Variants in MST1 observed in about 807,000 individuals in gnomAD.
The protein encoded by MST1 is hepatocyte growth factor-like protein.
MST1 carries 76 observed loss-of-function variants against 100.1 expected under a neutral mutation model. The ratio of observed to expected loss-of-function variants is 0.76; its 90% confidence interval spans 0.63 to 0.92. The LOEUF (loss-of-function observed/expected upper bound fraction) is 0.92, where lower values mean the gene tolerates loss of function less well. Ranked by LOEUF, MST1 falls within the 40% of genes least tolerant of loss-of-function variation. The pLI is 0.00. For missense variants in MST1, 850 were observed against 990.0 expected, an observed-to-expected ratio of 0.86 and a Z score of 1.90; for synonymous variants, 352 against 385.4, an observed-to-expected ratio of 0.91 and a Z score of 1.01.
intron 13 of MST1, 52 bp from the exon 14 acceptor site, chr3:49,685,141 G>C (rs1437872179): frequency 6.3e-6 from 10 of 1,597,966 alleles, no homozygotes; most frequent in Non-Finnish European, 8.5e-6. Flanking sequence ...ACAGATGCTA[G>C]ACCTGCCATC....
chr3:49,685,274 C>G lies in MST1; in HGVS notation c.1532G>C (p.Ser511Thr). The G allele has an allele frequency of 6.2e-7, 1 of 1,613,384 alleles. No individual in the cohort carries two copies. Among genetic ancestry groups the G allele is most frequent in the Non-Finnish European group, 8.5e-7 (1 of 1,179,848 alleles). ...AGTTGTGCCTCACCGATTCCGCAAG[C>G]TGACTGTCCAGGGTGAGTTGCCCGG... Reference protein sequence around the residue: ...GHPGNSPWTVSLRNRQGQHFC... With the variant: ...GHPGNSPWTVTLRNRQGQHFC... The change falls in exon 13 of 18, where the codon AGC becomes ACC. Residue 511 changes from serine to threonine, a missense_variant. Ser to Thr is a moderately conservative substitution (Grantham distance 58, BLOSUM62 1). This residue lies in a region of MST1 where 816 missense variants were observed against 924.6 expected (regional missense o/e 0.88). Transcript: ENST00000449682.
intron 14 of MST1, 53 bp from the exon 15 acceptor site, chr3:49,684,937 G>A: frequency 1.2e-6 from 2 of 1,613,576 alleles, no homozygotes; most frequent in African/African-American, 1.3e-5. Flanking sequence ...ATTGCCCCAA[G>A]GCTCACTTGT....
In MST1 at chr3:49,688,670, C is replaced by T. The variant is rs1281501452; in HGVS notation, c.22G>A (p.Val8Met). The T allele has an allele frequency of 1.9e-6, 3 of 1,609,456 alleles. No individual in the cohort carries two copies. The highest frequency in any genetic ancestry group is 3.4e-5 in the Admixed American group (2 of 59,570). MGLWWVT[V>M]QPPARRMGWL... The stretch of plus-strand genomic sequence containing the variant: ...CCCATCCTTCTGGCTGGAGGCTGCA[C>T]TGTGACCCACCACAGCCCCATCCGG... Residue 8 changes from valine (V) to methionine (M), a missense_variant, in exon 1 of 18, where the codon GTG becomes ATG. Val to Met is a conservative substitution (Grantham distance 21). Transcript: ENST00000449682.
rs758200140 is a variant in MST1, at chr3:49,684,565, A to T, written c.1861T>A (p.Trp621Arg). Residue 621 changes from tryptophan to arginine, a missense_variant, in exon 16 of 18, where the codon TGG (tryptophan) becomes AGG (arginine). This residue lies in a region of MST1 where 816 missense variants were observed against 924.6 expected (regional missense o/e 0.88). Transcript: ENST00000449682. ...GTGCTCTTACCTTTGGTCTCACCCC[A>T]GCCTGCAATCTCACACTTGGTCCCT... ...PPGTKCEIAGWGETKGTGNDT... is the reference protein window; with the variant it reads ...PPGTKCEIAGRGETKGTGNDT... 5.6e-6 allele frequency: 9 copies of T among 1,613,682 alleles called. No homozygotes were observed. The highest frequency in any genetic ancestry group is 7.6e-6 in the Non-Finnish European group (9 of 1,179,878).
At chr3:49,686,001 C>G (rs776741263) in intron 9 of MST1, 39 bp from the exon 10 acceptor site, 2 of 1,603,046 alleles carry the variant, frequency 1.2e-6, no homozygotes, top group Non-Finnish European at 1.7e-6. Flanking sequence ...CGAGACCTCG[C>G]CCCGGCCCTC....
In MST1 at chr3:49,687,173, A is replaced by C; in HGVS notation, c.583T>G (p.Cys195Gly). Residue 195 changes from cysteine (C) to glycine (G), a missense_variant, in exon 5 of 18, where the codon TGC (cysteine) becomes GGC (glycine). Transcript: ENST00000449682. ...CCCTCCCGGCAGGATTTGATGCCGC[A>C]GCTCTGGAAGCGCACAGCAGGGTCT... ...TTDPAVRFQS[C>G]GIKSCREAAC... The C allele has an allele frequency of 6.2e-7, 1 of 1,613,236 alleles. No homozygotes were observed. Among genetic ancestry groups the C allele is most frequent in the Non-Finnish European group, 8.5e-7 (1 of 1,179,862 alleles).
rs1417872728 is a variant in MST1, at chr3:49,686,127, C to T, written c.1082G>A (p.Arg361Gln). ...GCAAAAGGCCGCGCGCATGCCGGGC[C>T]GCAGTGTGAAGCACCAGGGCGCCTC... is the stretch of plus-strand genomic sequence containing the variant. Reference protein sequence around the residue: ...GSEAPWCFTLRPGMRAAFCYQ... With the variant: ...GSEAPWCFTLQPGMRAAFCYQ... Residue 361 changes from arginine (R) to glutamine (Q), a missense_variant, in exon 9 of 18, where the codon CGG becomes CAG. Transcript: ENST00000449682. 1 of 1,611,190 alleles carries T rather than the reference C, an allele frequency of 6.2e-7. No individual in the cohort carries two copies. Among genetic ancestry groups the T allele is most frequent in the Non-Finnish European group, 8.5e-7 (1 of 1,179,544 alleles).
Position 49,685,856 on chromosome 3 carries a change from T to C in MST1, c.1250+4A>G. 6.2e-7 allele frequency: 1 copy of C among 1,611,536 alleles called. No individual in the cohort carries two copies. The highest frequency in any genetic ancestry group is 8.5e-7 in the Non-Finnish European group (1 of 1,179,560). On this transcript the variant is annotated splice_donor_region_variant and intron_variant, in intron 10 of 17. Coordinates refer to ENST00000449682, the MANE Select transcript of MST1 (RefSeq NM_020998.4). ...TGGCGGGGCCGGGAGCACCAGGGAC[T>C]CACTGCGGCTTGTGCGGCGTCTCAG...
In MST1 at chr3:49,684,637, G is replaced by A. The variant is rs750408728; in HGVS notation, c.1789C>T (p.Arg597Cys). The change falls in exon 16 of 18, where the codon CGT becomes TGT. Residue 597 changes from arginine to cysteine, a missense_variant. Arg to Cys is a radical substitution (Grantham distance 180). Coordinates refer to ENST00000449682, the MANE Select transcript of MST1 (RefSeq NM_020998.4). ...GGGGGCAGGCAGATCAGGGCCACACGCTGGTTCAGGGTCACAGATCTTTAG... is the reference window on the plus strand; with the variant it reads ...GGGGGCAGGCAGATCAGGGCCACACACTGGTTCAGGGTCACAGATCTTTAG... ...KLERSVTLNQ[R>C]VALICLPPEW... 5 of 1,613,696 alleles carry A rather than the reference G, an allele frequency of 3.1e-6. No homozygotes were observed. The highest frequency in any genetic ancestry group is 2.7e-5 in the African/African-American group (2 of 75,046).
chr3:49,685,316 C>T lies in MST1; in HGVS notation c.1490G>A (p.Arg497His), dbSNP rs199553610. The T allele has an allele frequency of 2.4e-5, 39 of 1,613,292 alleles. 1 individual carries two copies. The Middle Eastern group carries it at 1.5e-3, about 61-fold the overall frequency. The change falls in exon 13 of 18, where the codon CGC becomes CAC. Residue 497 changes from arginine (R) to histidine (H), a missense_variant. By Grantham distance (29) the Arg-to-His change is conservative. Transcript: ENST00000449682. ...DRLDQRRSKL[R>H]VVGGHPGNSP... The stretch of plus-strand genomic sequence containing the variant: ...GTTGCCCGGATGGCCCCCAACCACG[C>T]GCAGCTTGGAACGCCGCTGATCCAG...
Position 49,684,560 on chromosome 3 carries a change from A to T in MST1, c.1866T>A (p.Gly622=), listed in dbSNP as rs1204364339. ...GCACTGTGCTCTTACCTTTGGTCTC[A>T]CCCCAGCCTGCAATCTCACACTTGG... ...PGTKCEIAGW[G]ETKGTGNDTV... The change falls in exon 16 of 18, where the codon GGT becomes GGA. Residue 622 remains glycine (G), a synonymous_variant. Transcript: ENST00000449682. 17 of 1,613,530 alleles carry T rather than the reference A, an allele frequency of 1.1e-5. No homozygotes were observed. Among genetic ancestry groups the T allele is most frequent in the Admixed American group, 1.7e-5 (1 of 60,000 alleles).
rs41291704 is a variant in MST1, at chr3:49,687,206, A to G, written c.550T>C (p.Tyr184His). 3 of 1,613,304 alleles carry G rather than the reference A, an allele frequency of 1.9e-6. No individual in the cohort carries two copies. The highest frequency in any genetic ancestry group is 2.7e-5 in the African/African-American group (2 of 74,942). ...PDGDPGGPWC[Y>H]TTDPAVRFQS... Reference sequence around the variant, plus strand: ...AAGCGCACAGCAGGGTCTGTTGTGTAGCACCAAGGACCTCCGGGGTCGCCA... The same window carrying G: ...AAGCGCACAGCAGGGTCTGTTGTGTGGCACCAAGGACCTCCGGGGTCGCCA... Residue 184 changes from tyrosine to histidine, a missense_variant, in exon 5 of 18, where the codon TAC becomes CAC. By Grantham distance (83) the Tyr-to-His change is moderately conservative (BLOSUM62 2). Around this residue, in one of 2 missense-constraint regions of MST1, gnomAD observed 816 missense variants for 924.6 expected, o/e 0.88. Coordinates refer to ENST00000449682, the MANE Select transcript of MST1 (RefSeq NM_020998.4).
In MST1 at chr3:49,687,754, A is replaced by C. The variant is rs773514464; in HGVS notation, c.238T>G (p.Cys80Gly). ...CAGRCGPLMD[C>G]RAFHYNVSSH... ...CTAGGCCCAGTGGCCACTCACCGGC[A>C]GTCCATTAAGGGCCCACAGCGACCA... is the stretch of plus-strand genomic sequence containing the variant. Residue 80 changes from cysteine to glycine, a missense_variant, in exon 2 of 18, where the codon TGC (cysteine) becomes GGC (glycine). Around this residue, in one of 2 missense-constraint regions of MST1, gnomAD observed 816 missense variants for 924.6 expected, o/e 0.88. Transcript: ENST00000449682. 4 of 1,613,580 alleles carry C rather than the reference A, an allele frequency of 2.5e-6. No homozygotes were observed. The South Asian group carries it at 3.3e-5, about 13-fold the overall frequency.
At position 49,687,792 on chromosome 3, in the gene MST1, G is replaced by C. The variant is rs1439486338; in HGVS notation, c.200C>G (p.Ala67Gly). The change falls in exon 2 of 18, where the codon GCT becomes GGT. Residue 67 changes from alanine (A) to glycine (G), a missense_variant. Physicochemically the swap from Ala to Gly is moderately conservative, Grantham distance 60 (BLOSUM62 0). Coordinates refer to ENST00000449682, the MANE Select transcript of MST1 (RefSeq NM_020998.4). ...PGPWQEDVAD[A>G]EECAGRCGPL... is the part of the protein sequence containing the mutation. ...CCCACAGCGACCAGCACACTCTTCA[G>C]CATCTGCCACATCCTCCTGCCAAGG... The C allele has an allele frequency of 6.2e-7, 1 of 1,613,600 alleles. No individual in the cohort carries two copies. Among genetic ancestry groups the C allele is most frequent in the Non-Finnish European group, 8.5e-7 (1 of 1,179,858 alleles).
rs2053514223 is a variant in MST1 at position 49,684,462 on chromosome 3, A to T, written c.1877-9T>A. On this transcript the variant is annotated splice_polypyrimidine_tract_variant and intron_variant, in intron 16 of 17. Coordinates refer to ENST00000449682, the MANE Select transcript of MST1 (RefSeq NM_020998.4). ...TGTGTCATTACCCGTACCTGCAGTG[A>T]GGGGAATGGGGAGAGGGAGAGGGTC... The T allele has an allele frequency of 6.2e-7, 1 of 1,613,372 alleles. No homozygotes were observed. The highest frequency in any genetic ancestry group is 1.3e-5 in the African/African-American group (1 of 74,910).
intron 14 of MST1, 62 bp from the exon 15 acceptor site, chr3:49,684,946 G>C: frequency 6.2e-7 from 1 of 1,613,530 alleles, no homozygotes; most frequent in African/African-American, 1.3e-5. Flanking sequence ...AGGCTCACTT[G>C]TTAGCTTGCC....
chr3:49,684,163 G>A lies in MST1; in HGVS notation c.2043C>T (p.Cys681=), dbSNP rs779399031. 5.6e-5 allele frequency: 91 copies of A among 1,613,064 alleles called. No individual in the cohort carries two copies. Among genetic ancestry groups the A allele is most frequent in the Non-Finnish European group, 7.4e-5 (87 of 1,179,770 alleles). The change falls in exon 18 of 18, where the codon TGC becomes TGT. Residue 681 remains cysteine (C), a synonymous_variant. Transcript: ENST00000449682. ...CCAGGACCCAGCAGTTGTGGGTAAA[G>A]CAGGCAAGTGGGCCCCCGTAGTCAC... is the stretch of plus-strand genomic sequence containing the variant. ...CEGDYGGPLA[C]FTHNCWVLEG...
rs781467736 is a variant in MST1, at chr3:49,686,430, C to T, written c.899G>A (p.Gly300Glu). Residue 300 changes from glycine to glutamate, a missense_variant, in exon 8 of 18, where the codon GGG becomes GAG. Gly to Glu is a moderately conservative substitution (Grantham distance 98). Coordinates refer to ENST00000449682, the MANE Select transcript of MST1 (RefSeq NM_020998.4). ...TGTGCCCCGGTAGCCCTCACCCTTC[C>T]CGCGGAAGCAGCTGACAGTTGTGGC... ...QEATTVSCFR[G>E]KGEGYRGTAN... 5.6e-6 allele frequency: 9 copies of T among 1,612,808 alleles called. No individual in the cohort carries two copies. Among genetic ancestry groups the T allele is most frequent in the Non-Finnish European group, 7.6e-6 (9 of 1,179,838 alleles).
chr3:49,685,585 C>G lies in MST1; in HGVS notation c.1387+11G>C, dbSNP rs2053652100. ...AGGCAGGGTCATGGGGGAAGCGTCA[C>G]TAGTGCTCACCGCAGCGTCGCAGGG... On this transcript the variant is annotated intron_variant, in intron 11 of 17. Coordinates refer to ENST00000449682, the MANE Select transcript of MST1 (RefSeq NM_020998.4). 1 of 1,613,222 alleles carries G rather than the reference C, an allele frequency of 6.2e-7. No homozygotes were observed. The highest frequency in any genetic ancestry group is 1.1e-5 in the South Asian group (1 of 91,082).
Sources: allele counts gnomAD v4.1 joint callset, GRCh38; gene constraint gnomAD v4.1.1; regional missense constraint gnomAD v4.1.1; transcripts MANE v1.5; gene names NCBI Gene and HGNC (gene_info 2026-07-23, HGNC 2026-07-21).